The following DNAAF5 variants were observed in gnomAD, a reference collection of about 807,000 sequenced individuals.
The protein encoded by DNAAF5 is HEAT repeat containing 2.
A neutral mutation model predicts 75.8 loss-of-function variants in DNAAF5; 64 were observed. That is an observed-to-expected ratio of 0.84 (90% CI 0.69 to 1.04). The LOEUF is 1.04. Ranked by LOEUF, DNAAF5 falls within the 50% of genes least tolerant of loss-of-function variation. The pLI, the probability that DNAAF5 is intolerant of heterozygous loss-of-function variation, is 0.00. For synonymous variants in DNAAF5, 657 were observed against 557.2 expected, an observed-to-expected ratio of 1.18 and a Z score of -2.52; for missense variants, 1,269 against 1,178.5, an observed-to-expected ratio of 1.08 and a Z score of -1.12.
Position 727,127 on chromosome 7 carries a change from A to T in DNAAF5, c.407A>T (p.Glu136Val). Residue 136 changes from glutamate to valine, a missense_variant, in exon 1 of 13, where the codon GAG becomes GTG. Coordinates refer to ENST00000297440, the MANE Select transcript of DNAAF5 (RefSeq NM_017802.4). ...CCCGTGCCCGCGCGCCGCCCGCCCG[A>T]GGCCTGTGAGGAGCTGCGCCTGGCG... Reference protein sequence around the residue: ...AGPVPARRPPEACEELRLALV... With the variant: ...AGPVPARRPPVACEELRLALV... 1 of 1,172,278 alleles carries T rather than the reference A, an allele frequency of 8.5e-7. No individual in the cohort carries two copies. Among genetic ancestry groups the T allele is most frequent in the Non-Finnish European group, 1.1e-6 (1 of 951,176 alleles). The allele number at this position is 1,172,278 out of a possible 1,614,324, so 72.6% of individuals were successfully genotyped here. A position where few individuals can be genotyped will look rare whatever the true frequency, so the allele number is the denominator to read the frequency against.
rs1196470838 is a variant in DNAAF5 at position 754,315 on chromosome 7, G to T, written c.1025-274G>T. On this transcript the variant is annotated intron_variant, in intron 4 of 12. Coordinates refer to ENST00000297440, the MANE Select transcript of DNAAF5 (RefSeq NM_017802.4). The surrounding 1 kb of genome is among the most constrained non-coding windows in gnomAD (Gnocchi z 4.8). ...AATCTTCCTGTTTTTTATAGAGATG[G>T]GGTCTTTGCCATGTTGCCCAGGCTG... is the stretch of plus-strand genomic sequence containing the variant. Among the ~76,000 whole-genome samples the T allele has an allele frequency of 2.6e-5, 4 of 152,140 alleles. No individual in the cohort carries two copies. Among genetic ancestry groups the T allele is most frequent in the South Asian group, 2.1e-4 (1 of 4,822 alleles).
chr7:785,603 T>C lies in DNAAF5; in HGVS notation c.2518T>C (p.Tyr840His). 1 of 1,613,258 alleles carries C rather than the reference T, an allele frequency of 6.2e-7. No individual in the cohort carries two copies. Among genetic ancestry groups the C allele is most frequent in the South Asian group, 1.1e-5 (1 of 91,086 alleles). Residue 840 changes from tyrosine (Y) to histidine (H), a missense_variant, in exon 13 of 13, where the codon TAC (tyrosine) becomes CAC (histidine). Tyr to His is a moderately conservative substitution (Grantham distance 83). Coordinates refer to ENST00000297440, the MANE Select transcript of DNAAF5 (RefSeq NM_017802.4). ...CATCCACAAGCACCGCTCGGCCACCTACTGCGAGCAGCTCCTGCAGCATGT... is the reference window on the plus strand; with the variant it reads ...CATCCACAAGCACCGCTCGGCCACCCACTGCGAGCAGCTCCTGCAGCATGT... Reference protein sequence around the residue: ...AVIHKHRSATYCEQLLQHVQA... With the variant: ...AVIHKHRSATHCEQLLQHVQA...
chr7:738,426 T>C (rs1465108154), intron 2 of DNAAF5, among the ~76,000 whole-genome samples: 1 of 152,130 alleles, frequency 6.6e-6, no homozygotes, highest in African/African-American at 2.4e-5. Flanking sequence ...CGGTGCCTTA[T>C]TTAGTTCACT....
At chr7:749,285 T>C (rs933250465) in intron 4 of DNAAF5, among the ~76,000 whole-genome samples, 1 of 152,212 alleles carries the variant, frequency 6.6e-6, no homozygotes, top group African/African-American at 2.4e-5. Flanking sequence ...TCCAGAGTCC[T>C]TTCTGCTTTG....
At chr7:781,741 CGGT>C (rs978075414) in intron 12 of DNAAF5, among the ~76,000 whole-genome samples, 1 of 152,086 alleles carries the variant, frequency 6.6e-6, no homozygotes, top group Admixed American at 6.5e-5. Flanking sequence ...CTCTGAGGAG[CGGT>C]GGTGGTGGGC....
At chr7:737,832 T>A (rs1385662946) in intron 2 of DNAAF5, among the ~76,000 whole-genome samples, 1 of 152,238 alleles carries the variant, frequency 6.6e-6, no homozygotes, top group African/African-American at 2.4e-5. Context: ...TCTTGCTGCT[T>A]TTAGAACCCT....
chr7:770,644 G>A (rs769858565), intron 9 of DNAAF5, 26 bp downstream of exon 9: 14 of 1,605,006 alleles, frequency 8.7e-6, no homozygotes, highest in Admixed American at 3.4e-5. Flanking sequence ...GCCTCTGCAC[G>A]GCCCCCAGCT....
chr7:770,755 A>G, intron 9 of DNAAF5, 137 bp downstream of exon 9: 1 of 778,946 alleles, frequency 1.3e-6, no homozygotes, highest in South Asian at 2.1e-5. Context: ...GGGGTTCCCC[A>G]TCTCCCTCCC....
In DNAAF5 at chr7:741,331, G is replaced by A; in HGVS notation, c.906-16G>A. On this transcript the variant is annotated splice_polypyrimidine_tract_variant and intron_variant, in intron 3 of 12. Coordinates refer to ENST00000297440, the MANE Select transcript of DNAAF5 (RefSeq NM_017802.4). Reference sequence around the variant, plus strand: ...GCCCTGCCCTGAGCCACTGTTGTCTGTCTGTTGTGCCTCAGGCAGCTGGCT... The same window carrying A: ...GCCCTGCCCTGAGCCACTGTTGTCTATCTGTTGTGCCTCAGGCAGCTGGCT... 3 of 1,577,466 alleles carry A rather than the reference G, an allele frequency of 1.9e-6. No individual in the cohort carries two copies. The highest frequency in any genetic ancestry group is 2.6e-6 in the Non-Finnish European group (3 of 1,159,584).
At chr7:773,821 G>A (rs1398902850) in intron 9 of DNAAF5, among the ~76,000 whole-genome samples, 1 of 152,132 alleles carries the variant, frequency 6.6e-6, no homozygotes, top group Admixed American at 6.5e-5. Flanking sequence ...GGCCGCAGGA[G>A]AGGCCAGGGG....
chr7:726,736 G>A lies in DNAAF5; in HGVS notation c.16G>A (p.Val6Met), dbSNP rs1200038052. MAALG[V>M]AEAVAAPHPA... The stretch of plus-strand genomic sequence containing the variant: ...CGCGGGCAAGATGGCGGCGCTGGGG[G>A]TGGCGGAGGCCGTGGCGGCCCCACA... Residue 6 changes from valine to methionine, a missense_variant, in exon 1 of 13, where the codon GTG (valine) becomes ATG (methionine). Coordinates refer to ENST00000297440, the MANE Select transcript of DNAAF5 (RefSeq NM_017802.4). The A allele has an allele frequency of 8.0e-7, 1 of 1,243,890 alleles. No homozygotes were observed. The highest frequency in any genetic ancestry group is 1.0e-6 in the Non-Finnish European group (1 of 995,014). 77.1% of individuals were successfully genotyped at this position (1,243,890 alleles called of 1,614,324 possible).
Position 754,710 on chromosome 7 carries a change from G to A in DNAAF5, c.1146G>A (p.Leu382=). 1 of 1,613,962 alleles carries A rather than the reference G, an allele frequency of 6.2e-7. No homozygotes were observed. Among genetic ancestry groups the A allele is most frequent in the Non-Finnish European group, 8.5e-7 (1 of 1,180,022 alleles). ...GGACCCGAGTGAAGTCGGCACAGCTGCTCCCAGTGCTGCTGCTGCATGCCG... is the reference window on the plus strand; with the variant it reads ...GGACCCGAGTGAAGTCGGCACAGCTACTCCCAGTGCTGCTGCTGCATGCCG... ...VVGTRVKSAQ[L]LPVLLLHAED... is the part of the protein sequence containing the mutation. Residue 382 remains leucine (L), a synonymous_variant, in exon 5 of 13, where the codon CTG becomes CTA. Coordinates refer to ENST00000297440, the MANE Select transcript of DNAAF5 (RefSeq NM_017802.4). The surrounding 1 kb of genome is among the most constrained non-coding windows in gnomAD (Gnocchi z 4.8).
chr7:768,873 A>C (rs1778451677), intron 8 of DNAAF5: 1 of 457,700 alleles, frequency 2.2e-6, no homozygotes, highest in Non-Finnish European at 4.0e-6. Context: ...AGATGTAGAG[A>C]GGGTGAAACA....
At chr7:782,992 C>G (rs1267951337) in intron 12 of DNAAF5, among the ~76,000 whole-genome samples, 2 of 152,270 alleles carry the variant, frequency 1.3e-5, no homozygotes, top group Non-Finnish European at 2.9e-5. Context: ...CAGAAACTCT[C>G]CTGCGTGGGC....
At position 727,203 on chromosome 7, in the gene DNAAF5, G is replaced by A; in HGVS notation, c.483G>A (p.Ala161=). 1 of 1,348,110 alleles carries A rather than the reference G, an allele frequency of 7.4e-7. No homozygotes were observed. Among genetic ancestry groups the A allele is most frequent in the Non-Finnish European group, 9.5e-7 (1 of 1,047,584 alleles). The allele number at this position is 1,348,110 out of a possible 1,614,324, so 83.5% of individuals were successfully genotyped here. A position where few individuals can be genotyped will look rare whatever the true frequency, so the allele number is the denominator to read the frequency against. ...TGGACCTGTGCGGCGCCGCGCTCGC[G>A]CCCCACCTGGACGACGCTCTGCGCG... ...LAVDLCGAAL[A]PHLDDALRAL... Residue 161 remains alanine, a synonymous_variant, in exon 1 of 13, where the codon GCG becomes GCA. Coordinates refer to ENST00000297440, the MANE Select transcript of DNAAF5 (RefSeq NM_017802.4).
In DNAAF5 at chr7:756,810, C is replaced by T. The variant is rs1562388248; in HGVS notation, c.1286C>T (p.Thr429Met). ...ACCAGATCCGCAGAGCTCGTCGGGA[C>T]GTTTGTCAGCCCTGAGGTGTTTCTG... is the stretch of plus-strand genomic sequence containing the variant. ...SCTRSAELVG[T>M]FVSPEVFLKL... Residue 429 changes from threonine (T) to methionine (M), a missense_variant, in exon 6 of 13, where the codon ACG (threonine) becomes ATG (methionine). By Grantham distance (81) the Thr-to-Met change is moderately conservative. Coordinates refer to ENST00000297440, the MANE Select transcript of DNAAF5 (RefSeq NM_017802.4). 2.5e-6 allele frequency: 4 copies of T among 1,613,962 alleles called. No homozygotes were observed. Among genetic ancestry groups the T allele is most frequent in the South Asian group, 1.1e-5 (1 of 91,084 alleles).
At position 769,868 on chromosome 7, in the gene DNAAF5, C is replaced by T. The variant is rs536516499; in HGVS notation, c.1784-603C>T. 5.3e-5 allele frequency among the ~76,000 whole-genome samples: 8 copies of T among 152,204 alleles called. 1 individual carries two copies. The highest frequency in any genetic ancestry group is 1.7e-4 in the African/African-American group (7 of 41,532). ...GTTGGTCAGGCTGGTCTCGAACTCC[C>T]GACCTCAGGTGACCTCAGGTCACCC... On this transcript the variant is annotated intron_variant, in intron 8 of 12. Coordinates refer to ENST00000297440, the MANE Select transcript of DNAAF5 (RefSeq NM_017802.4).
chr7:734,702 C>T (rs184092538), intron 2 of DNAAF5, among the ~76,000 whole-genome samples: 109 of 152,272 alleles, frequency 7.2e-4, no homozygotes, highest in African/African-American at 2.3e-3. Context: ...TATTGCGACC[C>T]GGGCTTTTCT....
chr7:758,950 T>C (rs893967339), intron 6 of DNAAF5, among the ~76,000 whole-genome samples: 6 of 152,142 alleles, frequency 3.9e-5, no homozygotes, highest in Non-Finnish European at 8.8e-5. Flanking sequence ...CCCAAAGTGC[T>C]GGGATTACAG....
Sources: allele counts gnomAD v4.1 joint callset (sites outside exome capture counted in the v4.1 genomes callset), GRCh38; gene constraint gnomAD v4.1.1; non-coding constraint Gnocchi (gnomAD v3.1); transcripts MANE v1.5; gene names NCBI Gene and HGNC (gene_info 2026-07-23, HGNC 2026-07-21).